The following LRRC7 variants were observed in gnomAD, a reference collection of about 807,000 sequenced individuals.
LRRC7 encodes leucine-rich repeat-containing protein 7.
A neutral mutation model predicts 175.7 loss-of-function variants in LRRC7; 23 were observed. The ratio of observed to expected loss-of-function variants is 0.13; its 90% CI spans 0.09 to 0.19. The LOEUF (loss-of-function observed/expected upper bound fraction) is 0.19. LRRC7 is among the 10% of genes least tolerant of loss of function. LRRC7 has a pLI of 1.00. For synonymous variants in LRRC7, 685 were observed against 680.9 expected (o/e 1.01, Z -0.09); for missense variants, 1,354 against 1,904.7 (o/e 0.71, Z 5.38).
intron 7 of LRRC7, among the ~76,000 whole-genome samples, chr1:69,904,230 ATTATT>A (rs563407907): frequency 4.9e-4 from 75 of 152,322 alleles, no homozygotes; most frequent in African/African-American, 1.7e-3. Flanking sequence ...CTGATGCTAT[ATTATT>A]TTAAGAAGAA....
intron 18 of LRRC7, 37 bp from the exon 19 acceptor site, chr1:70,036,084 G>A: frequency 6.6e-7 from 1 of 1,509,216 alleles, no homozygotes; most frequent in Non-Finnish European, 9.0e-7. Context: ...TTGTTTAAAT[G>A]TTTACTTTCC....
intron 14 of LRRC7, among the ~76,000 whole-genome samples, chr1:70,017,428 C>G (rs562713467): frequency 6.6e-6 from 1 of 152,056 alleles, no homozygotes; most frequent in Non-Finnish European, 1.5e-5. Context: ...TAACAAGAAA[C>G]CATTGAAGAT....
At chr1:70,054,027 T>C (rs890412515) in intron 23 of LRRC7, among the ~76,000 whole-genome samples, 3 of 152,332 alleles carry the variant, frequency 2.0e-5, no homozygotes, top group East Asian at 3.9e-4. Flanking sequence ...AGACTTCTTA[T>C]TGGAATATGA....
At chr1:69,828,192 G>A (rs1680145039) in intron 5 of LRRC7, among the ~76,000 whole-genome samples, 1 of 152,034 alleles carries the variant, frequency 6.6e-6, no homozygotes. Context: ...TAGGCATTTG[G>A]GTTGTTTCCA....
intron 7 of LRRC7, among the ~76,000 whole-genome samples, chr1:69,907,260 C>T (rs1437187119): frequency 6.6e-6 from 1 of 152,152 alleles, no homozygotes; most frequent in African/African-American, 2.4e-5. Flanking sequence ...ATTTCCTTCT[C>T]CTGCCTAATT....
At chr1:69,588,985 C>CTG (rs138325158) in intron 1 of LRRC7, among the ~76,000 whole-genome samples, 1,335 of 131,114 alleles carry the variant, frequency 0.01, 13 homozygotes, top group African/African-American at 0.027. Context: ...CTGCTGGGGT[C>CTG]TGTGTGTGTG....
At chr1:70,006,344 C>T (rs1234690970) in intron 11 of LRRC7, among the ~76,000 whole-genome samples, 2 of 151,644 alleles carry the variant, frequency 1.3e-5, no homozygotes, top group African/African-American at 4.8e-5. Context: ...CAATTGTGGG[C>T]GCCTGTATTC....
At chr1:69,820,245 T>C (rs989908889) in intron 4 of LRRC7, among the ~76,000 whole-genome samples, 3 of 152,124 alleles carry the variant, frequency 2.0e-5, no homozygotes, top group African/African-American at 7.2e-5. Flanking sequence ...ATAGGCTATG[T>C]TATAACATCT....
rs1666893825 is a variant in LRRC7, at chr1:70,136,781, G to A, written c.*14894G>A. ...GTCTTGCTCTGTCACCCAGGTTGGA[G>A]TGCAGTGGCATGATCATGGCCCACT... On this transcript the variant is annotated 3_prime_UTR_variant, in exon 27 of 27. Coordinates refer to ENST00000651989, the MANE Select transcript of LRRC7 (RefSeq NM_001370785.2). Among the ~76,000 whole-genome samples the A allele has an allele frequency of 7.2e-6, 1 of 139,174 alleles. No homozygotes were observed. Among genetic ancestry groups the A allele is most frequent in the Non-Finnish European group, 1.5e-5 (1 of 66,088 alleles). 91.3% of individuals were successfully genotyped at this position (139,174 alleles called of 152,430 possible).
chr1:69,732,213 G>T (rs1414480722), intron 2 of LRRC7, among the ~76,000 whole-genome samples: 2 of 151,482 alleles, frequency 1.3e-5, no homozygotes, highest in Admixed American at 1.3e-4. Context: ...ATAACTTCAA[G>T]AAAAAGCTAA....
At chr1:70,108,950 T>C (rs1214720607) in intron 26 of LRRC7, among the ~76,000 whole-genome samples, 1 of 152,182 alleles carries the variant, frequency 6.6e-6, no homozygotes. Flanking sequence ...TTCTCAGAAA[T>C]GTTTTTTGGT....
rs1666386134 is a variant in LRRC7 at position 70,125,074 on chromosome 1, A to G, written c.*3187A>G. On this transcript the variant is annotated 3_prime_UTR_variant, in exon 27 of 27. Coordinates refer to ENST00000651989, the MANE Select transcript of LRRC7 (RefSeq NM_001370785.2). ...ATAACTCCAGCCTTCTGATGACAACACAGTAACCTAAACATACATAGTAAC... is the reference window on the plus strand; with the variant it reads ...ATAACTCCAGCCTTCTGATGACAACGCAGTAACCTAAACATACATAGTAAC... Among the ~76,000 whole-genome samples the G allele has an allele frequency of 6.6e-6, 1 of 152,268 alleles. No homozygotes were observed. Among genetic ancestry groups the G allele is most frequent in the Non-Finnish European group, 1.5e-5 (1 of 68,052 alleles).
chr1:69,984,876 C>T (rs551085283), intron 9 of LRRC7, among the ~76,000 whole-genome samples: 21 of 152,296 alleles, frequency 1.4e-4, no homozygotes, highest in African/African-American at 4.6e-4. Flanking sequence ...CATTTCTTCA[C>T]GTGACATAGA....
In LRRC7 at chr1:69,702,470, G is replaced by A. The variant is rs113303332; in HGVS notation, c.100+23992G>A. ...GTAGAACAATCGTTCCTGCATCATTGACCGCAAAATGATTTTTAAGCCTTT... is the reference window on the plus strand; with the variant it reads ...GTAGAACAATCGTTCCTGCATCATTAACCGCAAAATGATTTTTAAGCCTTT... On this transcript the variant is annotated intron_variant, in intron 2 of 26. Transcript: ENST00000651989. Among the ~76,000 whole-genome samples, 2 of 152,178 alleles carry A rather than the reference G, an allele frequency of 1.3e-5. 1 individual carries two copies. Among genetic ancestry groups the A allele is most frequent in the African/African-American group, 4.8e-5 (2 of 41,538 alleles).
intron 5 of LRRC7, among the ~76,000 whole-genome samples, chr1:69,831,902 A>G (rs184728628): frequency 5.5e-4 from 84 of 152,236 alleles, no homozygotes; most frequent in Non-Finnish European, 1.9e-4. Context: ...TTTCATTATA[A>G]TGTTGTAGAG....
In LRRC7 at chr1:69,732,101, G is replaced by A. The variant is rs947842490; in HGVS notation, c.101-28090G>A. 3.3e-5 allele frequency among the ~76,000 whole-genome samples: 5 copies of A among 151,754 alleles called. No homozygotes were observed. The South Asian group carries it at 8.3e-4, about 25-fold the overall frequency. On this transcript the variant is annotated intron_variant, in intron 2 of 26. Transcript: ENST00000651989. ...AAATAAAAAAGGAAAACAGACTCTC[G>A]ATTAAAAAAAGTATTACATGTTACA...
intron 8 of LRRC7, among the ~76,000 whole-genome samples, chr1:69,972,047 C>T (rs12023066): frequency 0.062 from 9,402 of 152,124 alleles, 287 homozygotes; most frequent in South Asian, 0.11. Flanking sequence ...CAACAAATAG[C>T]GCTGGGATAA....
At chr1:69,941,720 C>A (rs187616831) in intron 8 of LRRC7, among the ~76,000 whole-genome samples, 5 of 152,058 alleles carry the variant, frequency 3.3e-5, no homozygotes, top group African/African-American at 9.6e-5. Context: ...TGAAAGCTGA[C>A]AAAATGCCAC....
rs369647288 is a variant in LRRC7, at chr1:70,071,640, A to T, written c.4231-4437A>T. ...TCAGTAAGTAAGTTATCCTTTGGAG[A>T]TGATTCTGCTTCCAGACATTTTAAG... is the stretch of plus-strand genomic sequence containing the variant. On this transcript the variant is annotated intron_variant, in intron 23 of 26. Transcript: ENST00000651989. Among the ~76,000 whole-genome samples the T allele has an allele frequency of 4.1e-4, 63 of 152,310 alleles. No homozygotes were observed. In the East Asian group the frequency reaches 6.0e-3, roughly 14 times the overall value.
Sources: allele counts gnomAD v4.1 joint callset (sites outside exome capture counted in the v4.1 genomes callset), GRCh38; gene constraint gnomAD v4.1.1; transcripts MANE v1.5; gene names NCBI Gene and HGNC (gene_info 2026-07-23, HGNC 2026-07-21).